Variants in KCNQ4 observed in about 807,000 individuals in gnomAD.
The protein encoded by KCNQ4 is potassium voltage-gated channel subfamily Q member 4.
Under a neutral mutation model 72.6 loss-of-function variants are expected in KCNQ4, and 31 were observed. The observed-to-expected ratio is 0.43, with a 90% CI of 0.32 to 0.58. The LOEUF (loss-of-function observed/expected upper bound fraction) is 0.58, where lower values mean the gene tolerates loss of function less well. Ranked by LOEUF, KCNQ4 falls within the 20% of genes least tolerant of loss-of-function variation. The pLI is 0.08. For missense variants in KCNQ4, 869 were observed against 962.6 expected, an observed-to-expected ratio of 0.90 and a Z score of 1.29; for synonymous variants, 405 against 403.7, an observed-to-expected ratio of 1.00 and a Z score of -0.04.
rs200426006 is a variant in KCNQ4, at chr1:40,824,270, G to T, written c.1292+12G>T. ...TGCCCTGGGGAAAGGTAGGGGCCCC[G>T]TGGGGCTGCCACCTCCTCTTGCTTC... is the stretch of plus-strand genomic sequence containing the variant. On this transcript the variant is annotated intron_variant, in intron 9 of 13. Transcript: ENST00000347132. 4 of 1,603,776 alleles carry T rather than the reference G, an allele frequency of 2.5e-6. No homozygotes were observed. The highest frequency in any genetic ancestry group is 1.7e-6 in the Non-Finnish European group (2 of 1,176,752).
chr1:40,838,359 C>G lies in KCNQ4; in HGVS notation c.1924C>G (p.Arg642Gly). The G allele has an allele frequency of 6.2e-7, 1 of 1,613,982 alleles. No homozygotes were observed. The highest frequency in any genetic ancestry group is 8.5e-7 in the Non-Finnish European group (1 of 1,179,934). The change falls in exon 14 of 14, where the codon CGC becomes GGC. Residue 642 changes from arginine (R) to glycine (G), a missense_variant. Around this residue, in one of 5 missense-constraint regions of KCNQ4, gnomAD observed 480 missense variants for 501.9 expected, o/e 0.96. Transcript: ENST00000347132. ...GGACCTGCTGTTGGGCTTCTATTCG[C>G]GCTGCCTGCGCTCTGGCACCTCGGC... ...KLDLLLGFYS[R>G]CLRSGTSASL...
At chr1:40,819,754 A>G in intron 5 of KCNQ4, 121 bp from the exon 6 acceptor site, 1 of 881,956 alleles carries the variant, frequency 1.1e-6, no homozygotes, top group Non-Finnish European at 1.9e-6. Context: ...GACCCTAACC[A>G]GCCCCCGTGG....
At chr1:40,807,379 T>C (rs1258353814) in intron 1 of KCNQ4, among the ~76,000 whole-genome samples, 1 of 152,172 alleles carries the variant, frequency 6.6e-6, no homozygotes, top group Admixed American at 6.5e-5. Context: ...CATTGCAATT[T>C]CTAAGCCCCA....
At chr1:40,796,715 G>A (rs1205321242) in intron 1 of KCNQ4, among the ~76,000 whole-genome samples, 1 of 152,134 alleles carries the variant, frequency 6.6e-6, no homozygotes, top group African/African-American at 2.4e-5. Flanking sequence ...TCAGGAGTTC[G>A]AGACTAGCCT....
At chr1:40,821,767 G>A (rs564213392) in intron 7 of KCNQ4, among the ~76,000 whole-genome samples, 1 of 152,288 alleles carries the variant, frequency 6.6e-6, no homozygotes, top group Admixed American at 6.5e-5. Context: ...AGTCTAGGGG[G>A]AGAGAAAGTT....
chr1:40,822,433 G>A (rs148218398), intron 8 of KCNQ4, 31 bp downstream of exon 8: 2 of 969,364 alleles, frequency 2.1e-6, no homozygotes, highest in Non-Finnish European at 3.3e-6. Context: ...GGGTGGGTGG[G>A]GGGCTGGCAG....
Position 40,824,254 on chromosome 1 carries a change from G to A in KCNQ4, c.1288G>A (p.Glu430Lys), listed in dbSNP as rs572530099. The A allele has an allele frequency of 4.2e-5, 68 of 1,607,554 alleles. No homozygotes were observed. The South Asian group carries it at 5.3e-4, about 13-fold the overall frequency. The change falls in exon 9 of 14, where the codon GAA (glutamate) becomes AAA (lysine). Residue 430 changes from glutamate (E) to lysine (K), a missense_variant. By Grantham distance (56) the Glu-to-Lys change is moderately conservative. This residue lies in a region of KCNQ4 where 480 missense variants were observed against 501.9 expected (regional missense o/e 0.96). Coordinates refer to ENST00000347132, the MANE Select transcript of KCNQ4 (RefSeq NM_004700.4). ...GGGCAGCACCTCCTTCTGCCCTGGGGAAAGGTAGGGGCCCCGTGGGGCTGC... is the reference window on the plus strand; with the variant it reads ...GGGCAGCACCTCCTTCTGCCCTGGGAAAAGGTAGGGGCCCCGTGGGGCTGC... The part of the protein sequence containing the change: ...RPGSTSFCPG[E>K]SSRMGIKDRI...
chr1:40,797,837 G>T (rs1047106531), intron 1 of KCNQ4, among the ~76,000 whole-genome samples: 1 of 152,164 alleles, frequency 6.6e-6, no homozygotes, highest in African/African-American at 2.4e-5. Flanking sequence ...TCTGGCTTGG[G>T]GGGAGATGTG....
chr1:40,785,491 T>C (rs1420972382), intron 1 of KCNQ4, among the ~76,000 whole-genome samples: 2 of 152,238 alleles, frequency 1.3e-5, no homozygotes, highest in African/African-American at 2.4e-5. Context: ...CCCACCTGAC[T>C]GTCTAGCAGC....
Position 40,838,301 on chromosome 1 carries a change from C to T in KCNQ4, c.1876-10C>T, listed in dbSNP as rs773780020. 7 of 1,612,530 alleles carry T rather than the reference C, an allele frequency of 4.3e-6. No homozygotes were observed. In the Admixed American group the frequency reaches 1.2e-4, roughly 27 times the overall value. On this transcript the variant is annotated splice_polypyrimidine_tract_variant and intron_variant, in intron 13 of 13. Coordinates refer to ENST00000347132, the MANE Select transcript of KCNQ4 (RefSeq NM_004700.4). Reference sequence around the variant, plus strand: ...CCAGGCCCTGCTTCCCAGCTGCGCCCCGTCCCCAGGTGCAGTCCATCGAGC... The same window carrying T: ...CCAGGCCCTGCTTCCCAGCTGCGCCTCGTCCCCAGGTGCAGTCCATCGAGC...
intron 1 of KCNQ4, among the ~76,000 whole-genome samples, chr1:40,802,705 G>C (rs1397287515): frequency 6.6e-6 from 1 of 152,158 alleles, no homozygotes; most frequent in African/African-American, 2.4e-5. Flanking sequence ...GCAGGAACCC[G>C]TACCTCTCCC....
chr1:40,799,591 C>G (rs1038769429), intron 1 of KCNQ4, among the ~76,000 whole-genome samples: 5 of 152,222 alleles, frequency 3.3e-5, no homozygotes, highest in Non-Finnish European at 7.3e-5. Flanking sequence ...GGGTCCAGCC[C>G]CCGGTCATGG....
chr1:40,811,702 T>G lies in KCNQ4; in HGVS notation c.315-5563T>G, dbSNP rs181069936. On this transcript the variant is annotated intron_variant, in intron 1 of 13. Transcript: ENST00000347132. ...GGATAAGCCTTGTGATCAGACCAGC[T>G]GGGGAGAGCCAGCCAGGCAACACCC... Among the ~76,000 whole-genome samples the G allele has an allele frequency of 7.2e-5, 11 of 152,172 alleles. No homozygotes were observed. In the East Asian group the frequency reaches 1.9e-3, roughly 27 times the overall value.
At chr1:40,819,249 G>A (rs1430230225) in intron 4 of KCNQ4, 98 bp from the exon 5 acceptor site, 16 of 1,441,466 alleles carry the variant, frequency 1.1e-5, no homozygotes, top group Non-Finnish European at 1.4e-5. Context: ...TGGGACTCCG[G>A]GAGATGGGGG....
chr1:40,827,445 A>G (rs980091005), intron 9 of KCNQ4, among the ~76,000 whole-genome samples: 5 of 152,140 alleles, frequency 3.3e-5, no homozygotes, highest in Non-Finnish European at 5.9e-5. Flanking sequence ...CAGTGTGGGG[A>G]AAAAAGCTGG....
chr1:40,795,354 T>C (rs1296030511), intron 1 of KCNQ4, among the ~76,000 whole-genome samples: 4 of 150,178 alleles, frequency 2.7e-5, no homozygotes, highest in Admixed American at 2.0e-4. Flanking sequence ...CTTGAACTCC[T>C]GGGCTCAAGC....
intron 9 of KCNQ4, among the ~76,000 whole-genome samples, chr1:40,830,234 G>A (rs571169873): frequency 6.6e-6 from 1 of 152,288 alleles, no homozygotes; most frequent in East Asian, 1.9e-4. Flanking sequence ...TTATCAAATA[G>A]AGACCCTCAC....
At chr1:40,787,713 A>G (rs1570797091) in intron 1 of KCNQ4, among the ~76,000 whole-genome samples, 1 of 151,942 alleles carries the variant, frequency 6.6e-6, no homozygotes, top group Non-Finnish European at 1.5e-5. Context: ...CCTATGCCCC[A>G]GTCCCTGATT....
At chr1:40,785,418 CT>C (rs1647192856) in intron 1 of KCNQ4, among the ~76,000 whole-genome samples, 1 of 152,144 alleles carries the variant, frequency 6.6e-6, no homozygotes, top group African/African-American at 2.4e-5. Context: ...CTATTAATCC[CT>C]TTTTGCTGCC....
Sources: allele counts gnomAD v4.1 joint callset (sites outside exome capture counted in the v4.1 genomes callset), GRCh38; gene constraint gnomAD v4.1.1; regional missense constraint gnomAD v4.1.1; transcripts MANE v1.5; gene names NCBI Gene and HGNC (gene_info 2026-07-23, HGNC 2026-07-21).